NIPBL: variants seen among roughly 807,000 people sequenced by gnomAD.
NIPBL encodes the protein NIPBL cohesin loading factor, also known as nipped-B-like protein.
A neutral mutation model predicts 321.8 loss-of-function variants in NIPBL; 19 were observed. That is an observed-to-expected ratio of 0.06 (90% CI 0.04 to 0.09). The LOEUF is 0.09. NIPBL is among the 10% of genes least tolerant of loss of function. The pLI, the probability that NIPBL is intolerant of heterozygous loss-of-function variation, is 1.00. For synonymous variants in NIPBL, 1,106 were observed against 1,114.1 expected (o/e 0.99, Z 0.14); for missense variants, 2,210 against 3,327.0 (o/e 0.66, Z 8.26).
At chr5:36,926,029 G>A (rs1291510373) in intron 1 of NIPBL, among the ~76,000 whole-genome samples, 1 of 152,166 alleles carries the variant, frequency 6.6e-6, no homozygotes, top group Non-Finnish European at 1.5e-5. Flanking sequence ...AGTCACGTCA[G>A]TAGTTTCTCC....
At position 36,927,330 on chromosome 5, in the gene NIPBL, A is replaced by G. The variant is rs192752617; in HGVS notation, c.-79-26288A>G. On this transcript the variant is annotated intron_variant, in intron 1 of 46. Coordinates refer to ENST00000282516, the MANE Select transcript of NIPBL (RefSeq NM_133433.4). ...GGATTTTTGGTTTAAAATGTTATTC[A>G]TATTCTAAACTTGTAGATCATTATA... Among the ~76,000 whole-genome samples the G allele has an allele frequency of 3.3e-5, 5 of 152,320 alleles. No individual in the cohort carries two copies. In the East Asian group the frequency reaches 7.7e-4, roughly 24 times the overall value.
At chr5:36,928,462 A>G (rs566905391) in intron 1 of NIPBL, among the ~76,000 whole-genome samples, 1 of 152,336 alleles carries the variant, frequency 6.6e-6, no homozygotes, top group African/African-American at 2.4e-5. Context: ...AACTAAAAAA[A>G]TTTCTTAAGG....
intron 1 of NIPBL, among the ~76,000 whole-genome samples, chr5:36,951,917 G>T (rs1342416241): frequency 1.3e-5 from 2 of 151,736 alleles, no homozygotes; most frequent in Non-Finnish European, 2.9e-5. Context: ...AAGAGGAAAT[G>T]ATTACCACAA....
Position 36,955,142 on chromosome 5 carries a change from T to A in NIPBL, c.65-330T>A, listed in dbSNP as rs143430792. The A allele has an allele frequency of 5.8e-3, 1,598 of 273,892 alleles. 36 individuals are homozygous for A. Among genetic ancestry groups the A allele is most frequent in the African/African-American group, 0.034 (1,531 of 44,970 alleles). The allele number at this position is 273,892 out of a possible 1,614,324, so 17.0% of individuals were successfully genotyped here. On this transcript the variant is annotated intron_variant, in intron 2 of 46. Transcript: ENST00000282516. Reference sequence around the variant, plus strand: ...GAAAAATCTTATAAACAAGAACAAATGAGATTAATGAATTGCTACATTGGA... The same window carrying A: ...GAAAAATCTTATAAACAAGAACAAAAGAGATTAATGAATTGCTACATTGGA...
intron 32 of NIPBL, among the ~76,000 whole-genome samples, chr5:37,033,685 T>TACACACAC (rs372949399): frequency 0.049 from 3,072 of 62,842 alleles, 198 homozygotes; most frequent in African/African-American, 0.12. Context: ...TATATGTACA[T>TACACACAC]ACACACACAC....
intron 1 of NIPBL, among the ~76,000 whole-genome samples, chr5:36,898,857 T>G (rs1489575197): frequency 6.6e-6 from 1 of 152,198 alleles, no homozygotes; most frequent in Non-Finnish European, 1.5e-5. Flanking sequence ...TAAAATTTAG[T>G]CTTTAACTTT....
At chr5:36,879,970 C>T (rs1405749212) in intron 1 of NIPBL, among the ~76,000 whole-genome samples, 1 of 151,826 alleles carries the variant, frequency 6.6e-6, no homozygotes, top group African/African-American at 2.4e-5. Flanking sequence ...TGAACCTGTT[C>T]TAGAGATCAT....
chr5:37,038,875 C>G, intron 34 of NIPBL, 137 bp downstream of exon 34: 1 of 929,892 alleles, frequency 1.1e-6, no homozygotes, highest in Non-Finnish European at 1.6e-6. Flanking sequence ...CTATTTGTAG[C>G]AAGTGATCTA....
chr5:36,987,632 T>C (rs182297858), intron 10 of NIPBL, among the ~76,000 whole-genome samples: 1 of 151,652 alleles, frequency 6.6e-6, no homozygotes, highest in African/African-American at 2.4e-5. Flanking sequence ...TCGTCAACAT[T>C]CATTTTTTCA....
rs759147525 is a variant in NIPBL, at chr5:37,046,186, T to C, written c.6576T>C (p.Ala2192=). 2 of 1,558,634 alleles carry C rather than the reference T, an allele frequency of 1.3e-6. No homozygotes were observed. The highest frequency in any genetic ancestry group is 8.9e-7 in the Non-Finnish European group (1 of 1,129,804). Residue 2192 remains alanine (A), a synonymous_variant, in exon 38 of 47, where the codon GCT becomes GCC. Transcript: ENST00000282516. ...KHSDEEVQTK[A]IIGLGFAFIQ... The stretch of plus-strand genomic sequence containing the variant: ...CAGATGAAGAAGTACAAACAAAAGC[T>C]ATCATTGGTCTAGGTAAGTCTAAAT...
At chr5:37,053,946 C>T (rs953661725) in intron 42 of NIPBL, among the ~76,000 whole-genome samples, 2 of 152,034 alleles carry the variant, frequency 1.3e-5, no homozygotes, top group African/African-American at 4.8e-5. Context: ...GCCTGTAATC[C>T]CAGCGCTTTG....
chr5:37,030,470 T>C (rs1168003306), intron 32 of NIPBL, among the ~76,000 whole-genome samples: 1 of 152,214 alleles, frequency 6.6e-6, no homozygotes, highest in Non-Finnish European at 1.5e-5. Flanking sequence ...ATATAAAGAA[T>C]GGACTGCTGG....
Position 37,019,252 on chromosome 5 carries a change from G to A in NIPBL, c.4921-59G>A, listed in dbSNP as rs300060. On this transcript the variant is annotated intron_variant, in intron 24 of 46. Transcript: ENST00000282516. ...CCTTCAGATTTGTGTTTACAATTAGGTGATTTATTAAAGCACACCAGTAAT... is the reference window on the plus strand; with the variant it reads ...CCTTCAGATTTGTGTTTACAATTAGATGATTTATTAAAGCACACCAGTAAT... 0.48 allele frequency: 511,466 copies of A among 1,056,472 alleles called. 130,186 individuals carry two copies. The highest frequency in any genetic ancestry group is 0.84 in the African/African-American group (53,560 of 64,114). The allele number at this position is 1,056,472 out of a possible 1,614,324, so 65.4% of individuals were successfully genotyped here.
At chr5:36,964,530 TAAACTC>T (rs1741992196) in intron 6 of NIPBL, among the ~76,000 whole-genome samples, 1 of 151,878 alleles carries the variant, frequency 6.6e-6, no homozygotes. Flanking sequence ...CTGTGAAAAA[TAAACTC>T]AAAATGGATT....
chr5:36,886,972 G>C (rs111647338), intron 1 of NIPBL, among the ~76,000 whole-genome samples: 1 of 151,954 alleles, frequency 6.6e-6, no homozygotes, highest in Admixed American at 6.6e-5. Context: ...TGTTAACTTT[G>C]GTGAAGCTCT....
intron 21 of NIPBL, among the ~76,000 whole-genome samples, chr5:37,013,242 G>A (rs1251471777): frequency 2.4e-4 from 36 of 151,060 alleles, no homozygotes; most frequent in Non-Finnish European, 4.3e-4. Flanking sequence ...CAGTAGGCGC[G>A]GCCGGGCAGA....
chr5:36,928,962 T>A (rs1749566924), intron 1 of NIPBL, among the ~76,000 whole-genome samples: 1 of 152,208 alleles, frequency 6.6e-6, no homozygotes, highest in Non-Finnish European at 1.5e-5. Context: ...TAATACTTTT[T>A]TGAGCATTCA....
intron 37 of NIPBL, 88 bp downstream of exon 37, chr5:37,045,685 G>C (rs1001963479): frequency 7.4e-7 from 1 of 1,357,644 alleles, no homozygotes. Context: ...CAGGATGAAG[G>C]CAACATTAGA....
At chr5:37,049,015 C>T (rs558351844) in intron 39 of NIPBL, 96 bp from the exon 40 acceptor site, 10 of 1,193,096 alleles carry the variant, frequency 8.4e-6, no homozygotes, top group East Asian at 2.4e-5. Flanking sequence ...CTAGCTGTAA[C>T]GTTTTGTGAT....
Sources: allele counts gnomAD v4.1 joint callset (sites outside exome capture counted in the v4.1 genomes callset), GRCh38; gene constraint gnomAD v4.1.1; transcripts MANE v1.5; gene names NCBI Gene and HGNC (gene_info 2026-07-23, HGNC 2026-07-21).